The following CCDC73 variants were observed in gnomAD, a reference collection of about 807,000 sequenced individuals.
The protein encoded by CCDC73 is coiled-coil domain-containing protein 73.
CCDC73 carries 95 observed loss-of-function variants against 116.5 expected under a neutral mutation model. That is an observed-to-expected ratio of 0.82 (90% CI 0.69 to 0.97). The LOEUF (loss-of-function observed/expected upper bound fraction) is 0.97, where lower values mean the gene tolerates loss of function less well. Among genes scored for constraint, CCDC73 ranks in the 50% least tolerant of loss-of-function variants. CCDC73 has a pLI of 0.00. For synonymous variants in CCDC73, 398 were observed against 401.3 expected, an observed-to-expected ratio of 0.99 and a Z score of 0.10; for missense variants, 1,066 against 1,206.8, an observed-to-expected ratio of 0.88 and a Z score of 1.73.
At chr11:32,819,279 T>C in the CCDC73 span, among the ~76,000 whole-genome samples, 5 of 151,946 alleles carry the variant, frequency 3.3e-5, no homozygotes, top group East Asian at 9.6e-4. Context: ...GGACAAACCA[T>C]AGATAAAATG....
In CCDC73 at chr11:32,676,020, T is replaced by G. The variant is rs1374179333; in HGVS notation, c.431A>C (p.Glu144Ala). ...YSLQKKVSEMEQKVQLHLLAK... is the reference protein window; with the variant it reads ...YSLQKKVSEMAQKVQLHLLAK... ...CAGAAGATGTAACTGGACCTTTTGT[T>G]CCTATTTTGAAGAGTAATTTTAAAT... Residue 144 changes from glutamate to alanine, a missense_variant and splice_region_variant, in exon 8 of 18, where the codon GAA becomes GCA. Glu to Ala is a moderately radical substitution (Grantham distance 107, BLOSUM62 -1). Transcript: ENST00000335185. The G allele has an allele frequency of 1.3e-6, 2 of 1,587,028 alleles. No homozygotes were observed. The highest frequency in any genetic ancestry group is 2.7e-5 in the African/African-American group (2 of 73,494).
intron 3 of CCDC73, among the ~76,000 whole-genome samples, chr11:32,708,052 C>G (rs1391760207): frequency 6.6e-6 from 1 of 152,178 alleles, no homozygotes; most frequent in East Asian, 1.9e-4. Context: ...TAGATTTAAG[C>G]CTTTGATCCA....
At chr11:32,669,754 G>C (rs925648341) in intron 9 of CCDC73, among the ~76,000 whole-genome samples, 1 of 152,138 alleles carries the variant, frequency 6.6e-6, no homozygotes, top group Non-Finnish European at 1.5e-5. Context: ...TTAACATAAT[G>C]ACCTCTAGTT....
At chr11:32,658,595 G>A (rs1565068564) in intron 9 of CCDC73, among the ~76,000 whole-genome samples, 1 of 152,198 alleles carries the variant, frequency 6.6e-6, no homozygotes, top group Non-Finnish European at 1.5e-5. Flanking sequence ...CATATACCAA[G>A]TACCTCCTGT....
intron 12 of CCDC73, among the ~76,000 whole-genome samples, chr11:32,652,327 A>AAAAAC (rs147061574): frequency 0.046 from 6,922 of 150,450 alleles, 181 homozygotes; most frequent in African/African-American, 0.059. Flanking sequence ...AGAAAGAAAG[A>AAAAAC]AAAACAAAAC....
At chr11:32,696,610 T>A (rs940184275) in intron 6 of CCDC73, among the ~76,000 whole-genome samples, 4 of 151,770 alleles carry the variant, frequency 2.6e-5, no homozygotes, top group Non-Finnish European at 4.4e-5. Context: ...GCATATATAT[T>A]TTTTTTGTAC....
At chr11:32,735,585 C>A (rs561376219) in intron 2 of CCDC73, among the ~76,000 whole-genome samples, 2,084 of 152,210 alleles carry the variant, frequency 0.014, 55 homozygotes, top group African/African-American at 0.047. Flanking sequence ...CCATACTGCC[C>A]AAGGTAATTT....
At chr11:32,677,385 G>A (rs1237413591) in intron 7 of CCDC73, among the ~76,000 whole-genome samples, 1 of 152,068 alleles carries the variant, frequency 6.6e-6, no homozygotes, top group East Asian at 1.9e-4. Context: ...TAACAGAAGG[G>A]CATATTACTC....
At chr11:32,660,229 CAAAA>C (rs11310092) in intron 9 of CCDC73, among the ~76,000 whole-genome samples, 4 of 66,512 alleles carry the variant, frequency 6.0e-5, no homozygotes, top group East Asian at 7.0e-4. Context: ...TTCTCTCTAC[CAAAA>C]AAAAAAAAAA....
chr11:32,660,241 A>C (rs1043586877), intron 9 of CCDC73, among the ~76,000 whole-genome samples: 1 of 150,276 alleles, frequency 6.7e-6, no homozygotes, highest in Non-Finnish European at 1.5e-5. Flanking sequence ...AAAAAAAAAA[A>C]AAAAAAAAAA....
At chr11:32,700,507 TTCTAG>T (rs1283825275) in intron 5 of CCDC73, among the ~76,000 whole-genome samples, 1 of 152,184 alleles carries the variant, frequency 6.6e-6, no homozygotes, top group Non-Finnish European at 1.5e-5. Context: ...GAGATCTGGG[TTCTAG>T]TCCCAATTTT....
chr11:32,623,215 C>T (rs1855539165), intron 14 of CCDC73, among the ~76,000 whole-genome samples: 1 of 152,072 alleles, frequency 6.6e-6, no homozygotes, highest in Non-Finnish European at 1.5e-5. Flanking sequence ...CCATGTTGGC[C>T]AGGCTGCTCT....
chr11:32,696,769 A>G (rs1311942378), intron 6 of CCDC73, among the ~76,000 whole-genome samples: 1 of 151,914 alleles, frequency 6.6e-6, no homozygotes, highest in East Asian at 1.9e-4. Context: ...AACCATCCCA[A>G]ATTTTAACTT....
chr11:32,800,162 T>C, the CCDC73 span, among the ~76,000 whole-genome samples: 1 of 152,194 alleles, frequency 6.6e-6, no homozygotes, highest in Non-Finnish European at 1.5e-5. Flanking sequence ...AACATGTCAA[T>C]TAGCTATTGA....
upstream of CCDC73, among the ~76,000 whole-genome samples, chr11:32,798,952 C>G (rs535630942): frequency 6.6e-6 from 1 of 151,208 alleles, no homozygotes; most frequent in South Asian, 2.1e-4. Context: ...ATTTTGTCAC[C>G]CAGGCTGGAG....
At chr11:32,716,502 C>T (rs1013546914) in intron 3 of CCDC73, among the ~76,000 whole-genome samples, 2 of 152,144 alleles carry the variant, frequency 1.3e-5, no homozygotes, top group Non-Finnish European at 2.9e-5. Context: ...ATGTTTATTT[C>T]CACATAAACC....
chr11:32,668,794 T>C (rs551480212), intron 9 of CCDC73, among the ~76,000 whole-genome samples: 1 of 152,292 alleles, frequency 6.6e-6, no homozygotes, highest in Non-Finnish European at 1.5e-5. Flanking sequence ...TTACCAATAC[T>C]GCCAAAATAA....
chr11:32,791,184 T>C (rs967469851), intron 1 of CCDC73, among the ~76,000 whole-genome samples: 4 of 152,238 alleles, frequency 2.6e-5, no homozygotes, highest in Non-Finnish European at 4.4e-5. Context: ...GACTTCCTGA[T>C]GTGTTTCTCT....
intron 14 of CCDC73, among the ~76,000 whole-genome samples, chr11:32,625,001 T>C (rs1215232504): frequency 6.6e-6 from 1 of 152,170 alleles, no homozygotes; most frequent in Non-Finnish European, 1.5e-5. Flanking sequence ...TGGATACAGG[T>C]GTTGTTGAAT....
Sources: gnomAD v4.1 joint callset for allele counts (sites outside exome capture counted in the v4.1 genomes callset) on GRCh38, gnomAD v4.1.1 for gene constraint, MANE v1.5 for transcripts, NCBI Gene and HGNC (gene_info 2026-07-23, HGNC 2026-07-21) for gene names.